The following ZNF565 variants were observed in gnomAD, a reference collection of about 807,000 sequenced individuals.
ZNF565 encodes the protein zinc finger protein 565.
A neutral mutation model predicts 39.4 loss-of-function variants in ZNF565; 27 were observed. The observed-to-expected ratio is 0.69, with a 90% CI of 0.51 to 0.95. ZNF565 has a LOEUF of 0.95. Among genes scored for constraint, ZNF565 ranks in the 40% least tolerant of loss-of-function variants. The pLI is 0.00. For synonymous variants in ZNF565, 185 were observed against 216.6 expected (o/e 0.85, Z 1.28); for missense variants, 524 against 621.1 (o/e 0.84, Z 1.66).
chr19:36,245,620 T>C lies in ZNF565; in HGVS notation c.-90A>G. On this transcript the variant is annotated 5_prime_UTR_variant, in exon 1 of 5. Coordinates refer to the ZNF565 transcript ENST00000355114. The surrounding 1 kb of genome is among the most constrained non-coding windows in gnomAD (Gnocchi z 4.4). Reference sequence around the variant, plus strand: ...AGATGCAGCCTCCCAGCTTCGAGGCTACCACCTGCCCGAATTGGTGCTTTG... The same window carrying C: ...AGATGCAGCCTCCCAGCTTCGAGGCCACCACCTGCCCGAATTGGTGCTTTG... The C allele has an allele frequency of 1.4e-6, 1 of 699,500 alleles. No individual in the cohort carries two copies. The highest frequency in any genetic ancestry group is 2.6e-6 in the Non-Finnish European group (1 of 382,870). 43.3% of individuals were successfully genotyped at this position (699,500 alleles called of 1,614,324 possible).
chr19:36,218,261 T>C (rs974269071), upstream of ZNF565: 1 of 152,066 alleles, frequency 6.6e-6, no homozygotes, highest in African/African-American at 2.4e-5. Flanking sequence ...CAATATTTGA[T>C]TCAAAGGGTG....
rs1221736747 is a variant in ZNF565, at chr19:36,214,632, C to G, written c.-76G>C. ...TCCCAGACCCCTCACCTTCTGCCTC[C>G]CCTGGTCGCGTCCGGGTCCTTGCGG... is the stretch of plus-strand genomic sequence containing the variant. On this transcript the variant is annotated 5_prime_UTR_variant, in exon 1 of 5. Coordinates refer to ENST00000304116, the MANE Select transcript of ZNF565 (RefSeq NM_152477.5). 6.5e-6 allele frequency: 1 copy of G among 152,802 alleles called. No individual in the cohort carries two copies. The highest frequency in any genetic ancestry group is 1.5e-5 in the Non-Finnish European group (1 of 68,114). The allele number at this position is 152,802 out of a possible 1,614,324, so 9.5% of individuals were successfully genotyped here.
intron 1 of ZNF565, among the ~76,000 whole-genome samples, chr19:36,221,960 C>T (rs548564848): frequency 4.1e-4 from 51 of 125,676 alleles, no homozygotes; most frequent in Non-Finnish European, 6.8e-4. Flanking sequence ...GAAATAGTCT[C>T]GCTCTGTCAC....
In ZNF565 at chr19:36,245,343, A is replaced by G. The variant is rs1432323308; in HGVS notation, c.55+133T>C. 1.5e-6 allele frequency: 1 copy of G among 654,246 alleles called. No homozygotes were observed. The highest frequency in any genetic ancestry group is 1.7e-5 in the South Asian group (1 of 60,156). The allele number at this position is 654,246 out of a possible 1,614,324, so 40.5% of individuals were successfully genotyped here. Reference sequence around the variant, plus strand: ...TTCTAAGCCGAGGGGCTGCTGCCGGACATTCTAGGGTCTGATCTGGCGGGC... The same window carrying G: ...TTCTAAGCCGAGGGGCTGCTGCCGGGCATTCTAGGGTCTGATCTGGCGGGC... On this transcript the variant is annotated intron_variant, in intron 1 of 4. Transcript: ENST00000355114. This position sits in a 1 kb window ranked among gnomAD's most constrained non-coding sequence, Gnocchi z 4.4.
chr19:36,187,652 G>C (rs375773804), intron 4 of ZNF565, among the ~76,000 whole-genome samples: 1 of 138,726 alleles, frequency 7.2e-6, no homozygotes, highest in Non-Finnish European at 1.6e-5. Flanking sequence ...CATGGTGCCC[G>C]GCCGAGACAG....
In ZNF565 at chr19:36,182,785, T is replaced by C; in HGVS notation, c.1181A>G (p.Lys394Arg). The part of the protein sequence containing the change: ...VHTGDRPYEC[K>R]DCGKAFSRSS... The stretch of plus-strand genomic sequence containing the variant: ...ACGACTAAATGCCTTCCCGCAGTCC[T>C]TACATTCATAGGGTCTGTCGCCAGT... Residue 394 changes from lysine to arginine, a missense_variant, in exon 5 of 5, where the codon AAG becomes AGG. Coordinates refer to ENST00000304116, the MANE Select transcript of ZNF565 (RefSeq NM_152477.5). The C allele has an allele frequency of 6.2e-7, 1 of 1,614,092 alleles. No homozygotes were observed. The highest frequency in any genetic ancestry group is 8.5e-7 in the Non-Finnish European group (1 of 1,180,018).
upstream of ZNF565, among the ~76,000 whole-genome samples, chr19:36,216,940 T>G (rs1976634128): frequency 6.6e-6 from 1 of 151,642 alleles, no homozygotes; most frequent in African/African-American, 2.4e-5. Context: ...TCTCCCGTAG[T>G]CCTAGCTGCT....
chr19:36,201,244 G>C (rs1477731300), intron 2 of ZNF565, among the ~76,000 whole-genome samples: 1 of 152,116 alleles, frequency 6.6e-6, no homozygotes, highest in East Asian at 1.9e-4. Flanking sequence ...TGAGGCTGCA[G>C]TGAGCCATGA....
Position 36,196,069 on chromosome 19 carries a change from T to C in ZNF565, c.10-913A>G, listed in dbSNP as rs572526999. ...CTTCTGCTTCAGCCTCCTGAGTAGC[T>C]GGGATTACAGGTGTGCGCCGCCACA... On this transcript the variant is annotated intron_variant, in intron 2 of 4. Transcript: ENST00000304116. 1.8e-3 allele frequency among the ~76,000 whole-genome samples: 276 copies of C among 152,036 alleles called. 1 individual carries two copies. The highest frequency in any genetic ancestry group is 6.5e-3 in the African/African-American group (268 of 41,466).
Position 36,245,300 on chromosome 19 carries a change from T to G in ZNF565, c.55+176A>C, listed in dbSNP as rs1600011885. On this transcript the variant is annotated intron_variant, in intron 1 of 4. Transcript: ENST00000355114. The surrounding 1 kb of genome is among the most constrained non-coding windows in gnomAD (Gnocchi z 4.4). ...TGCACCAACTCGCGCCTAGAGGGCGTGTATGACCCCAGCTCAGTTCTAAGC... is the reference window on the plus strand; with the variant it reads ...TGCACCAACTCGCGCCTAGAGGGCGGGTATGACCCCAGCTCAGTTCTAAGC... Among the ~76,000 whole-genome samples the G allele has an allele frequency of 6.6e-6, 1 of 152,080 alleles. No individual in the cohort carries two copies.
At chr19:36,213,797 C>A (rs958451500) in intron 1 of ZNF565, among the ~76,000 whole-genome samples, 1 of 151,606 alleles carries the variant, frequency 6.6e-6, no homozygotes, top group African/African-American at 2.4e-5. Context: ...CCACACCCGG[C>A]CCTACATCCA....
intron 1 of ZNF565, 84 bp from the exon 2 acceptor site, chr19:36,202,134 G>T: frequency 1.3e-6 from 1 of 754,582 alleles, no homozygotes; most frequent in Non-Finnish European, 2.3e-6. Flanking sequence ...GAGCTTAAAA[G>T]AATTGTACTT....
intron 4 of ZNF565, among the ~76,000 whole-genome samples, chr19:36,184,034 C>T (rs113195506): frequency 0.034 from 4,570 of 134,844 alleles, 235 homozygotes; most frequent in African/African-American, 0.12. Flanking sequence ...GCCGAGATTG[C>T]GCCACTGCAC....
At chr19:36,211,954 T>G (rs1222190467) in intron 1 of ZNF565, among the ~76,000 whole-genome samples, 2 of 152,136 alleles carry the variant, frequency 1.3e-5, no homozygotes, top group East Asian at 3.9e-4. Flanking sequence ...AAACGGGATA[T>G]TCACATAGGC....
intron 4 of ZNF565, among the ~76,000 whole-genome samples, chr19:36,191,760 A>G (rs984498713): frequency 1.3e-5 from 2 of 152,220 alleles, no homozygotes; most frequent in Non-Finnish European, 2.9e-5. Flanking sequence ...AAGAATTCCA[A>G]TTAATAAATG....
chr19:36,197,429 G>A (rs142652065), intron 2 of ZNF565, among the ~76,000 whole-genome samples: 4 of 152,064 alleles, frequency 2.6e-5, no homozygotes, highest in African/African-American at 4.8e-5. Flanking sequence ...CTGAGATTGC[G>A]CCACTGCACT....
At chr19:36,185,570 C>G (rs1054595617) in intron 4 of ZNF565, among the ~76,000 whole-genome samples, 2 of 152,016 alleles carry the variant, frequency 1.3e-5, no homozygotes, top group African/African-American at 4.8e-5. Context: ...TGTACAAAAC[C>G]ACCAGCCATC....
At chr19:36,236,321 A>G (rs1977642193) in intron 1 of ZNF565, 4 of 1,214,594 alleles carry the variant, frequency 3.3e-6, no homozygotes, top group African/African-American at 3.1e-5. Context: ...GAGATCATAC[A>G]CAGAGAAGCC....
At chr19:36,239,286 A>C (rs185727601) in intron 1 of ZNF565, among the ~76,000 whole-genome samples, 2 of 151,506 alleles carry the variant, frequency 1.3e-5, no homozygotes, top group Admixed American at 1.3e-4. Context: ...GCATATTTCC[A>C]TGGGAAACGT....
Sources: gnomAD v4.1 joint callset for allele counts (sites outside exome capture counted in the v4.1 genomes callset) on GRCh38, gnomAD v4.1.1 for gene constraint, Gnocchi (gnomAD v3.1) non-coding constraint, MANE v1.5 for transcripts, NCBI Gene and HGNC (gene_info 2026-07-23, HGNC 2026-07-21) for gene names.